RABEP1: variants seen among roughly 807,000 people sequenced by gnomAD.
The protein encoded by RABEP1 is rabaptin, RAB GTPase binding effector protein 1.
Under a neutral mutation model 123.4 loss-of-function variants are expected in RABEP1, and 51 were observed. That is an observed-to-expected ratio of 0.41 (90% CI 0.33 to 0.52). The LOEUF (loss-of-function observed/expected upper bound fraction) is 0.52. Among genes scored for constraint, RABEP1 ranks in the 20% least tolerant of loss-of-function variants. The pLI, the probability that RABEP1 is intolerant of heterozygous loss-of-function variation, is 0.16. For synonymous variants in RABEP1, 347 were observed against 355.2 expected (o/e 0.98, Z 0.26); for missense variants, 888 against 996.3 (o/e 0.89, Z 1.46).
intron 6 of RABEP1, among the ~76,000 whole-genome samples, chr17:5,348,381 C>T (rs1044892847): frequency 6.6e-6 from 1 of 152,200 alleles, no homozygotes; most frequent in African/African-American, 2.4e-5. Flanking sequence ...AGGCCATTTG[C>T]ATGTGATGCA....
chr17:5,304,982 A>G (rs973877420), intron 1 of RABEP1, among the ~76,000 whole-genome samples: 2 of 152,206 alleles, frequency 1.3e-5, no homozygotes, highest in African/African-American at 2.4e-5. Context: ...AGTTTGTTCT[A>G]TATGCCACAC....
At chr17:5,328,697 A>T (rs59869845) in intron 2 of RABEP1, among the ~76,000 whole-genome samples, 24,258 of 147,308 alleles carry the variant, frequency 0.16, 3,055 homozygotes, top group East Asian at 0.61. Context: ...TCACGCCTGT[A>T]ATCCCAGCAC....
At chr17:5,359,160 G>A (rs994209183) in intron 8 of RABEP1, among the ~76,000 whole-genome samples, 5 of 148,816 alleles carry the variant, frequency 3.4e-5, no homozygotes, top group Non-Finnish European at 7.4e-5. Context: ...TGCAAGCTCC[G>A]CCTCCCGGGT....
intron 11 of RABEP1, among the ~76,000 whole-genome samples, chr17:5,365,899 C>A (rs965990292): frequency 6.6e-6 from 1 of 152,126 alleles, no homozygotes; most frequent in Non-Finnish European, 1.5e-5. Context: ...ACGGATATAC[C>A]GCAATTTATC....
rs1910262624 is a variant in RABEP1 at position 5,368,407 on chromosome 17, T to G, written c.1823T>G (p.Ile608Ser). 3 of 1,613,922 alleles carry G rather than the reference T, an allele frequency of 1.9e-6. No individual in the cohort carries two copies. The highest frequency in any genetic ancestry group is 2.5e-6 in the Non-Finnish European group (3 of 1,179,968). ...GTCCTAAGAGCCCAGGCCTCCGAGA[T>G]CTTACTTGAAGAGTTACAGCAGGGG... is the stretch of plus-strand genomic sequence containing the variant. ...ALVLRAQASE[I>S]LLEELQQGLS... is the part of the protein sequence containing the mutation. Residue 608 changes from isoleucine (I) to serine (S), a missense_variant, in exon 12 of 18, where the codon ATC (isoleucine) becomes AGC (serine). Transcript: ENST00000537505.
intron 3 of RABEP1, among the ~76,000 whole-genome samples, chr17:5,332,682 C>G (rs1016018700): frequency 1.4e-5 from 2 of 146,318 alleles, no homozygotes; most frequent in Admixed American, 6.9e-5. Context: ...TCACTGTACT[C>G]GCTGCAACCT....
chr17:5,341,488 A>T (rs77318928), intron 5 of RABEP1, among the ~76,000 whole-genome samples: 2 of 152,314 alleles, frequency 1.3e-5, no homozygotes, highest in East Asian at 3.9e-4. Flanking sequence ...TCACCAAAAG[A>T]TATTAAACTG....
rs921500492 is a variant in RABEP1 at position 5,308,314 on chromosome 17, C to A, written c.35-380C>A. 2.1e-4 allele frequency among the ~76,000 whole-genome samples: 32 copies of A among 151,884 alleles called. 1 individual carries two copies. Among genetic ancestry groups the A allele is most frequent in the African/African-American group, 7.5e-4 (31 of 41,332 alleles). On this transcript the variant is annotated intron_variant, in intron 1 of 17. Transcript: ENST00000537505. Reference sequence around the variant, plus strand: ...GATCTCGGCCCACTGCAACCTCCGCCTCCCGGGTTCAAGCGATTCTCCTGC... The same window carrying A: ...GATCTCGGCCCACTGCAACCTCCGCATCCCGGGTTCAAGCGATTCTCCTGC...
chr17:5,289,904 C>G (rs1426801547), intron 1 of RABEP1, among the ~76,000 whole-genome samples: 1 of 152,132 alleles, frequency 6.6e-6, no homozygotes, highest in African/African-American at 2.4e-5. Flanking sequence ...ACACAGTAGC[C>G]TGGAATTAGG....
chr17:5,377,885 C>T (rs550452366), intron 14 of RABEP1, among the ~76,000 whole-genome samples: 1 of 152,204 alleles, frequency 6.6e-6, no homozygotes, highest in Non-Finnish European at 1.5e-5. Context: ...AGATAGGATT[C>T]TCAGTACTTG....
At chr17:5,329,019 C>CTTTTTTTTTTTTTTTT (rs760060600) in intron 2 of RABEP1, among the ~76,000 whole-genome samples, 1 of 110,660 alleles carries the variant, frequency 9.0e-6, no homozygotes, top group Non-Finnish European at 1.8e-5. Context: ...TTCAGAAAGA[C>CTTTTTTTTTTTTTTTT]TTTTTTTTTT....
At chr17:5,294,678 C>T (rs375437669) in intron 1 of RABEP1, among the ~76,000 whole-genome samples, 29 of 97,342 alleles carry the variant, frequency 3.0e-4, no homozygotes, top group Middle Eastern at 0.011. Flanking sequence ...GATGGAGTCT[C>T]GCTCTGTCAC....
rs151182608 is a variant in RABEP1 at position 5,315,704 on chromosome 17, T to C, written c.163+6882T>C. Among the ~76,000 whole-genome samples the C allele has an allele frequency of 4.0e-4, 61 of 152,026 alleles. No individual in the cohort carries two copies. In the East Asian group the frequency reaches 4.8e-3, roughly 12 times the overall value. On this transcript the variant is annotated intron_variant, in intron 2 of 17. Transcript: ENST00000537505. ...CATCTCTACTAAAAATACAAAAAAC[T>C]AGCCGAGCATGGTGGTGCACATCTG...
At chr17:5,332,250 C>CA in intron 3 of RABEP1, 98 bp downstream of exon 3, 1 of 1,201,154 alleles carries the variant, frequency 8.3e-7, no homozygotes, top group Non-Finnish European at 1.2e-6. Flanking sequence ...TACAGAGTTT[C>CA]ATTTGTGGTT....
intron 5 of RABEP1, among the ~76,000 whole-genome samples, chr17:5,341,164 C>G (rs1907572702): frequency 6.6e-6 from 1 of 151,882 alleles, no homozygotes; most frequent in Non-Finnish European, 1.5e-5. Flanking sequence ...GCCTGTAATC[C>G]TAGCACTTTG....
rs540998178 is a variant in RABEP1, at chr17:5,323,803, TATATATATATCTAGGA to T, written c.164-8135_164-8120del. 4.4e-4 allele frequency among the ~76,000 whole-genome samples: 51 copies of T among 115,836 alleles called. 4 individuals carry two copies. The South Asian group carries it at 8.6e-3, about 19-fold the overall frequency. 76.0% of individuals were successfully genotyped at this position (115,836 alleles called of 152,430 possible). A position where few individuals can be genotyped will look rare whatever the true frequency, so the allele number is the denominator to read the frequency against. On this transcript the variant is annotated intron_variant, in intron 2 of 17. Coordinates refer to ENST00000537505, the MANE Select transcript of RABEP1 (RefSeq NM_004703.6). The stretch of plus-strand genomic sequence containing the variant: ...GAATATATATATATATCTAGGAATA[TATATATATATCTAGGA>T]ATATATATATATATCTAGGAATATA...
At position 5,384,238 on chromosome 17, in the gene RABEP1, G is replaced by C. The variant is rs1328795222; in HGVS notation, c.*1015G>C. On this transcript the variant is annotated 3_prime_UTR_variant, in exon 18 of 18. Transcript: ENST00000537505. ...ATGCTTATGGAAAGCCAGTTAGTTA[G>C]AATTGGAAATCTGTCTTGTCATTTT... 4.7e-6 allele frequency: 1 copy of C among 214,520 alleles called. No individual in the cohort carries two copies. Among genetic ancestry groups the C allele is most frequent in the Non-Finnish European group, 9.4e-6 (1 of 106,494 alleles). The allele number at this position is 214,520 out of a possible 1,614,324, so 13.3% of individuals were successfully genotyped here.
chr17:5,336,603 G>T, intron 4 of RABEP1: 1 of 390,686 alleles, frequency 2.6e-6, no homozygotes, highest in East Asian at 6.3e-5. Context: ...TTTTTAAAGT[G>T]CTTTTTAAAG....
intron 5 of RABEP1, among the ~76,000 whole-genome samples, chr17:5,339,762 C>G (rs1007520384): frequency 1.3e-5 from 2 of 151,716 alleles, no homozygotes; most frequent in Non-Finnish European, 2.9e-5. Flanking sequence ...GAGACTGTAC[C>G]ACTGCACTCC....
Sources: gnomAD v4.1 joint callset for allele counts (sites outside exome capture counted in the v4.1 genomes callset) on GRCh38, gnomAD v4.1.1 for gene constraint, MANE v1.5 for transcripts, NCBI Gene and HGNC (gene_info 2026-07-23, HGNC 2026-07-21) for gene names.